The following FAF1 variants were observed in gnomAD, a reference collection of about 807,000 sequenced individuals.
The protein encoded by FAF1 is Fas associated factor 1.
FAF1 carries 25 observed loss-of-function variants against 92.5 expected under a neutral mutation model. The observed-to-expected ratio is 0.27, with a 90% confidence interval of 0.20 to 0.38. FAF1 has a LOEUF of 0.38. FAF1 is among the 10% of genes least tolerant of loss of function. FAF1 has a pLI of 1.00. For missense variants in FAF1, 636 were observed against 793.3 expected (o/e 0.80, Z 2.38); for synonymous variants, 234 against 273.2 (o/e 0.86, Z 1.42).
At chr1:50,855,868 C>T (rs1252491113) in intron 2 of FAF1, among the ~76,000 whole-genome samples, 3 of 151,788 alleles carry the variant, frequency 2.0e-5, no homozygotes, top group Non-Finnish European at 4.4e-5. Context: ...GGGCCTGATA[C>T]AGTGTATGAT....
intron 1 of FAF1, among the ~76,000 whole-genome samples, chr1:50,941,954 C>T (rs935644612): frequency 6.6e-6 from 1 of 152,138 alleles, no homozygotes; most frequent in Non-Finnish European, 1.5e-5. Context: ...CAGCTGAGTA[C>T]TGCCTAGCAT....
intron 1 of FAF1, among the ~76,000 whole-genome samples, chr1:50,931,891 T>TA (rs199744504): frequency 0.045 from 3,593 of 79,576 alleles, 48 homozygotes; most frequent in African/African-American, 0.057. Flanking sequence ...AATAAATAAA[T>TA]AATAATAATA....
At chr1:50,646,449 C>T (rs1223971091) in intron 8 of FAF1, among the ~76,000 whole-genome samples, 1 of 152,164 alleles carries the variant, frequency 6.6e-6, no homozygotes, top group Non-Finnish European at 1.5e-5. Context: ...CCATAGATGT[C>T]AACTTTGTGG....
chr1:50,440,428 C>T lies in FAF1; in HGVS notation c.*1012G>A, dbSNP rs572430812. On this transcript the variant is annotated 3_prime_UTR_variant, in exon 19 of 19. Coordinates refer to ENST00000396153, the MANE Select transcript of FAF1 (RefSeq NM_007051.3). The stretch of plus-strand genomic sequence containing the variant: ...AGAATGAGATCCCTTTCATTTGAGT[C>T]CAATATCAAATACTAAAACATTAAA... The T allele has an allele frequency of 6.6e-6, 1 of 152,258 alleles. No individual in the cohort carries two copies. Among genetic ancestry groups the T allele is most frequent in the East Asian group, 1.9e-4 (1 of 5,180 alleles). The allele number at this position is 152,258 out of a possible 1,614,324, so 9.4% of individuals were successfully genotyped here.
At chr1:50,661,132 CT>C (rs1025632861) in intron 7 of FAF1, among the ~76,000 whole-genome samples, 2 of 151,742 alleles carry the variant, frequency 1.3e-5, no homozygotes, top group South Asian at 2.1e-4. Context: ...CATTTTAGTA[CT>C]TTTTTTTGCA....
At chr1:50,628,653 G>A (rs1338485236) in intron 8 of FAF1, among the ~76,000 whole-genome samples, 1 of 152,126 alleles carries the variant, frequency 6.6e-6, no homozygotes. Flanking sequence ...CTAGACCAAT[G>A]CAACTAAAAG....
intron 8 of FAF1, among the ~76,000 whole-genome samples, chr1:50,643,926 A>G (rs938136241): frequency 6.6e-6 from 1 of 151,868 alleles, no homozygotes; most frequent in Non-Finnish European, 1.5e-5. Flanking sequence ...GTTCTCTTTT[A>G]TATATTTTAT....
chr1:50,799,096 G>C (rs1661874143), intron 3 of FAF1, among the ~76,000 whole-genome samples: 1 of 152,162 alleles, frequency 6.6e-6, no homozygotes, highest in Non-Finnish European at 1.5e-5. Context: ...ATAGGCGTGA[G>C]CTACCACGCC....
chr1:50,605,778 C>G (rs1652352333), intron 8 of FAF1, among the ~76,000 whole-genome samples: 1 of 152,144 alleles, frequency 6.6e-6, no homozygotes, highest in Admixed American at 6.6e-5. Flanking sequence ...GTGCAGATTT[C>G]TCTTGACTCT....
At chr1:50,840,084 C>A (rs2124643232) in intron 2 of FAF1, among the ~76,000 whole-genome samples, 1 of 152,082 alleles carries the variant, frequency 6.6e-6, no homozygotes, top group East Asian at 1.9e-4. Flanking sequence ...CAAACCTACA[C>A]TCACACCATA....
chr1:50,752,391 TAG>T (rs1172483169), intron 4 of FAF1, among the ~76,000 whole-genome samples: 2 of 152,208 alleles, frequency 1.3e-5, no homozygotes, highest in African/African-American at 2.4e-5. Context: ...TCTAACCTTT[TAG>T]AGTTTCATGT....
At position 50,960,104 on chromosome 1, in the gene FAF1, G is replaced by C. The variant is rs1645304646; in HGVS notation, c.-293C>G. ...TGGATGTGGGTCCGGTCTTACAGTC[G>C]CGGGCCAGGATGAGGGCAGGTTGCG... On this transcript the variant is annotated 5_prime_UTR_variant, in exon 1 of 19. Coordinates refer to ENST00000396153, the MANE Select transcript of FAF1 (RefSeq NM_007051.3). The C allele has an allele frequency of 5.1e-6, 2 of 388,390 alleles. No individual in the cohort carries two copies. The highest frequency in any genetic ancestry group is 9.1e-6 in the Non-Finnish European group (2 of 219,348). The allele number at this position is 388,390 out of a possible 1,614,324, so 24.1% of individuals were successfully genotyped here.
chr1:50,930,100 G>A (rs1645036920), intron 1 of FAF1, among the ~76,000 whole-genome samples: 1 of 152,148 alleles, frequency 6.6e-6, no homozygotes, highest in Non-Finnish European at 1.5e-5. Flanking sequence ...AGGGTAATCT[G>A]GGGGTGTAGT....
chr1:50,688,970 T>G (rs552111375), intron 7 of FAF1, among the ~76,000 whole-genome samples: 208 of 152,252 alleles, frequency 1.4e-3, no homozygotes, highest in African/African-American at 4.8e-3. Flanking sequence ...CTAGGGTGGT[T>G]ACATTAAGAA....
chr1:50,754,281 A>C (rs1262821615), intron 4 of FAF1, among the ~76,000 whole-genome samples: 1 of 152,176 alleles, frequency 6.6e-6, no homozygotes, highest in South Asian at 2.1e-4. Context: ...GACACAATTT[A>C]ATCCTTTTGT....
intron 4 of FAF1, chr1:50,780,541 C>T (rs1026542293): frequency 5.1e-6 from 1 of 197,688 alleles, no homozygotes; most frequent in Non-Finnish European, 1.0e-5. Flanking sequence ...TGATCTTTGA[C>T]TTTCACTCTT....
intron 17 of FAF1, among the ~76,000 whole-genome samples, 156 bp downstream of exon 17, chr1:50,490,430 AGG>A (rs1283108880): frequency 7.6e-4 from 95 of 124,536 alleles, no homozygotes; most frequent in Admixed American, 8.6e-4. Flanking sequence ...GAAGGAAGGA[AGG>A]AAGGAAGGAA....
chr1:50,836,170 G>GTT (rs36053491), intron 2 of FAF1, among the ~76,000 whole-genome samples: 1,823 of 98,480 alleles, frequency 0.019, 184 homozygotes, highest in African/African-American at 0.071. Context: ...TTTTGTTTCT[G>GTT]TTTTTTTTTT....
intron 7 of FAF1, among the ~76,000 whole-genome samples, chr1:50,656,263 C>T (rs996655148): frequency 4.0e-5 from 6 of 150,172 alleles, no homozygotes; most frequent in East Asian, 2.0e-4. Flanking sequence ...ATCCGGGAAG[C>T]GGAGGTGGCG....
Sources: allele counts gnomAD v4.1 joint callset (sites outside exome capture counted in the v4.1 genomes callset), GRCh38; gene constraint gnomAD v4.1.1; transcripts MANE v1.5; gene names NCBI Gene and HGNC (gene_info 2026-07-23, HGNC 2026-07-21).